SNX2: variants seen among roughly 807,000 people sequenced by gnomAD.
The protein encoded by SNX2 is sorting nexin 2, also known as sorting nexin-2.
Under a neutral mutation model 69.9 loss-of-function variants are expected in SNX2, and 25 were observed. The observed-to-expected ratio is 0.36, with a 90% CI of 0.26 to 0.50. The LOEUF is 0.50. Among genes scored for constraint, SNX2 ranks in the 20% least tolerant of loss-of-function variants. The pLI, the probability that SNX2 is intolerant of heterozygous loss-of-function variation, is 0.97. For synonymous variants in SNX2, 229 were observed against 200.4 expected, an observed-to-expected ratio of 1.14 and a Z score of -1.20; for missense variants, 551 against 613.3, an observed-to-expected ratio of 0.90 and a Z score of 1.07.
At chr5:122,827,180 G>GA (rs1354583198) in intron 12 of SNX2, 199 bp from the exon 13 acceptor site, 6 of 563,478 alleles carry the variant, frequency 1.1e-5, no homozygotes, top group African/African-American at 7.5e-5. Flanking sequence ...CAAATCTGTG[G>GA]AATATTAAAG....
In SNX2 at chr5:122,826,074, T is replaced by G; in HGVS notation, c.1237T>G (p.Cys413Gly). 6.2e-7 allele frequency: 1 copy of G among 1,613,210 alleles called. No individual in the cohort carries two copies. The highest frequency in any genetic ancestry group is 8.5e-7 in the Non-Finnish European group (1 of 1,179,384). The change falls in exon 12 of 15, where the codon TGC becomes GGC. Residue 413 changes from cysteine to glycine, a missense_variant. Transcript: ENST00000379516. ...VKGVFDHRMK[C>G]WQKWEDAQIT... ...GGGTGTGTTTGACCATCGAATGAAG[T>G]GCTGGCAGAAATGGGAAGATGCTCA...
At chr5:122,806,433 G>C (rs1372206583) in intron 6 of SNX2, among the ~76,000 whole-genome samples, 1 of 152,022 alleles carries the variant, frequency 6.6e-6, no homozygotes, top group East Asian at 1.9e-4. Context: ...TCTCCTGTTT[G>C]CTGGGAAGCT....
intron 1 of SNX2, among the ~76,000 whole-genome samples, chr5:122,794,519 G>A (rs982742210): frequency 2.6e-5 from 4 of 152,172 alleles, no homozygotes; most frequent in East Asian, 1.9e-4. Context: ...GTTGAGTCAC[G>A]TGGAATTTTG....
At chr5:122,780,436 G>T (rs1243234293) in intron 1 of SNX2, among the ~76,000 whole-genome samples, 2 of 152,134 alleles carry the variant, frequency 1.3e-5, no homozygotes, top group African/African-American at 4.8e-5. Context: ...CCCTGAAAGT[G>T]GTTGAGAATT....
At position 122,832,709 on chromosome 5, in the gene SNX2, G is replaced by C. The variant is rs985512106; in HGVS notation, c.*3061G>C. ...TTTAAAGGAGGAAGTCAGATGAGTAGAGAAGGAAAGTTATATTCCTTTACA... is the reference window on the plus strand; with the variant it reads ...TTTAAAGGAGGAAGTCAGATGAGTACAGAAGGAAAGTTATATTCCTTTACA... On this transcript the variant is annotated 3_prime_UTR_variant, in exon 15 of 15. Coordinates refer to ENST00000379516, the MANE Select transcript of SNX2 (RefSeq NM_003100.4). 3.3e-5 allele frequency: 5 copies of C among 152,310 alleles called. No individual in the cohort carries two copies. Among genetic ancestry groups the C allele is most frequent in the African/African-American group, 9.6e-5 (4 of 41,584 alleles). The allele number at this position is 152,310 out of a possible 1,614,324, so 9.4% of individuals were successfully genotyped here. A position where few individuals can be genotyped will look rare whatever the true frequency, so the allele number is the denominator to read the frequency against.
intron 6 of SNX2, among the ~76,000 whole-genome samples, chr5:122,805,594 T>C (rs1189913449): frequency 6.6e-6 from 1 of 152,168 alleles, no homozygotes; most frequent in African/African-American, 2.4e-5. Context: ...TTTAACTTTT[T>C]GGTCTTTCAA....
At chr5:122,796,183 C>T (rs1275227359) in intron 2 of SNX2, among the ~76,000 whole-genome samples, 1 of 151,990 alleles carries the variant, frequency 6.6e-6, no homozygotes. Context: ...TTGAGATTGC[C>T]TCCCTCAAAC....
intron 1 of SNX2, among the ~76,000 whole-genome samples, chr5:122,788,015 C>T (rs1285026162): frequency 6.6e-6 from 1 of 152,086 alleles, no homozygotes; most frequent in Non-Finnish European, 1.5e-5. Flanking sequence ...AAGGTTTGCT[C>T]TTGTAATTTT....
chr5:122,797,076 T>C (rs1436248811), intron 2 of SNX2, among the ~76,000 whole-genome samples: 1 of 152,234 alleles, frequency 6.6e-6, no homozygotes, highest in Non-Finnish European at 1.5e-5. Flanking sequence ...TTCAGACATG[T>C]GCCACTATAC....
At position 122,775,230 on chromosome 5, in the gene SNX2, G is replaced by A. The variant is rs1345519458; in HGVS notation, c.108+19G>A. ...CCTAGAGGTGAGACCGCGTCGCTGC[G>A]GGTGCTGCGCTGCGTAGCTGCCGCG... On this transcript the variant is annotated intron_variant, in intron 1 of 14. Coordinates refer to ENST00000379516, the MANE Select transcript of SNX2 (RefSeq NM_003100.4). 3.2e-6 allele frequency: 5 copies of A among 1,544,948 alleles called. No homozygotes were observed. Among genetic ancestry groups the A allele is most frequent in the South Asian group, 1.2e-5 (1 of 83,476 alleles).
In SNX2 at chr5:122,803,516, A is replaced by G. The variant is rs767892519; in HGVS notation, c.546A>G (p.Arg182=). 1.2e-6 allele frequency: 2 copies of G among 1,612,746 alleles called. No individual in the cohort carries two copies. Among genetic ancestry groups the G allele is most frequent in the South Asian group, 2.2e-5 (2 of 90,682 alleles). ...MFSKSEFSVK[R]RFSDFLGLHS... Reference sequence around the variant, plus strand: ...GTAAGAGTGAATTTTCAGTGAAAAGAAGATTCAGCGACTTTCTTGGTTTGC... The same window carrying G: ...GTAAGAGTGAATTTTCAGTGAAAAGGAGATTCAGCGACTTTCTTGGTTTGC... Residue 182 remains arginine (R), a synonymous_variant, in exon 6 of 15, where the codon AGA becomes AGG. Transcript: ENST00000379516.
intron 6 of SNX2, among the ~76,000 whole-genome samples, chr5:122,806,138 G>GCACACACACACACACACACACA (rs1314424933): frequency 1.6e-5 from 1 of 61,548 alleles, no homozygotes; most frequent in African/African-American, 4.6e-5. Flanking sequence ...ATACACACGC[G>GCACACACACACACACACACACA]CGCGCACACA....
intron 11 of SNX2, among the ~76,000 whole-genome samples, chr5:122,825,592 T>G (rs1466990652): frequency 6.6e-6 from 1 of 152,094 alleles, no homozygotes; most frequent in Non-Finnish European, 1.5e-5. Context: ...CTATGGTAAT[T>G]TCTTCTACCA....
At chr5:122,806,132 A>ACATGCGTGCGCGCG (rs1360809798) in intron 6 of SNX2, among the ~76,000 whole-genome samples, 38 of 63,670 alleles carry the variant, frequency 6.0e-4, no homozygotes, top group Non-Finnish European at 1.2e-3. Flanking sequence ...ATATATATAC[A>ACATGCGTGCGCGCG]CACGCGCGCG....
rs754739046 is a variant in SNX2 at position 122,799,654 on chromosome 5, G to A, written c.227-38G>A. ...TATGTAGAATATTGGGGGTTTGCTTGCCAGTGTTCTTAACTAACTTGTTTA... is the reference window on the plus strand; with the variant it reads ...TATGTAGAATATTGGGGGTTTGCTTACCAGTGTTCTTAACTAACTTGTTTA... On this transcript the variant is annotated intron_variant, in intron 2 of 14. Coordinates refer to ENST00000379516, the MANE Select transcript of SNX2 (RefSeq NM_003100.4). The A allele has an allele frequency of 4.6e-6, 7 of 1,537,874 alleles. No individual in the cohort carries two copies. The Admixed American group carries it at 1.1e-4, about 25-fold the overall frequency.
chr5:122,828,633 A>G (rs1264872501), intron 14 of SNX2, among the ~76,000 whole-genome samples: 1 of 151,972 alleles, frequency 6.6e-6, no homozygotes, highest in African/African-American at 2.4e-5. Context: ...TTGTAGTTGT[A>G]TTATTTGCTT....
intron 1 of SNX2, among the ~76,000 whole-genome samples, chr5:122,780,009 A>G (rs1752936751): frequency 6.6e-6 from 1 of 152,258 alleles, no homozygotes; most frequent in Admixed American, 6.5e-5. Context: ...AACTTATGTA[A>G]TAACAGATTA....
At chr5:122,783,883 A>G (rs951575253) in intron 1 of SNX2, among the ~76,000 whole-genome samples, 2 of 150,664 alleles carry the variant, frequency 1.3e-5, no homozygotes, top group Admixed American at 1.3e-4. Context: ...AACAATATTG[A>G]GCCTTCAAGC....
intron 1 of SNX2, among the ~76,000 whole-genome samples, chr5:122,778,299 G>A (rs186077064): frequency 4.1e-4 from 62 of 152,132 alleles, no homozygotes; most frequent in African/African-American, 1.4e-3. Flanking sequence ...CACAGATATC[G>A]CCAACATATT....
Sources: gnomAD v4.1 joint callset for allele counts (sites outside exome capture counted in the v4.1 genomes callset) on GRCh38, gnomAD v4.1.1 for gene constraint, MANE v1.5 for transcripts, NCBI Gene and HGNC (gene_info 2026-07-23, HGNC 2026-07-21) for gene names.